SBF2: variants seen among roughly 807,000 people sequenced by gnomAD.
The protein encoded by SBF2 is SET binding factor 2, also known as myotubularin-related protein 13.
In SBF2, 112 loss-of-function variants were observed where a neutral mutation model predicts 225.2. The ratio of observed to expected loss-of-function variants is 0.50; its 90% CI spans 0.43 to 0.58. The LOEUF (loss-of-function observed/expected upper bound fraction) is 0.58, where lower values mean the gene tolerates loss of function less well. SBF2 is among the 20% of genes least tolerant of loss of function. SBF2 has a pLI of 0.00. For missense variants in SBF2, 1,996 were observed against 2,206.2 expected (o/e 0.90, Z 1.91); for synonymous variants, 763 against 773.3 (o/e 0.99, Z 0.22).
At chr11:9,875,650 G>A (rs1457871425) in intron 17 of SBF2, among the ~76,000 whole-genome samples, 1 of 152,210 alleles carries the variant, frequency 6.6e-6, no homozygotes, top group Non-Finnish European at 1.5e-5. Flanking sequence ...TGTGGAACAA[G>A]GCAGGGTCAG....
At chr11:10,060,744 C>T (rs186599653) in intron 2 of SBF2, among the ~76,000 whole-genome samples, 12 of 152,064 alleles carry the variant, frequency 7.9e-5, no homozygotes, top group African/African-American at 2.2e-4. Flanking sequence ...AATCTGTAAA[C>T]GTGGCCAGGT....
intron 2 of SBF2, among the ~76,000 whole-genome samples, chr11:10,146,910 C>T (rs534603014): frequency 6.6e-6 from 1 of 152,166 alleles, no homozygotes; most frequent in South Asian, 2.1e-4. Context: ...AGGACATGAA[C>T]AGACATTTTT....
chr11:10,257,321 TATGCAGTGAGATATC>T (rs1960947393), intron 1 of SBF2, among the ~76,000 whole-genome samples: 1 of 152,154 alleles, frequency 6.6e-6, no homozygotes, highest in Non-Finnish European at 1.5e-5. Context: ...CCCAAAACAC[TATGCAGTGAGATATC>T]ATACAGTAAG....
intron 33 of SBF2, among the ~76,000 whole-genome samples, chr11:9,793,546 C>A (rs562685821): frequency 2.0e-5 from 3 of 152,250 alleles, no homozygotes; most frequent in East Asian, 3.9e-4. Context: ...CATGCCACCA[C>A]GCCTGGCTAA....
At chr11:10,196,835 T>TAA (rs201869850) in intron 1 of SBF2, among the ~76,000 whole-genome samples, 3 of 89,224 alleles carry the variant, frequency 3.4e-5, no homozygotes, top group Non-Finnish European at 4.6e-5. Context: ...GTTTCTTGCA[T>TAA]AAATATATAT....
At chr11:9,839,403 T>G (rs983456805) in intron 26 of SBF2, 95 bp downstream of exon 26, 11 of 1,230,414 alleles carry the variant, frequency 8.9e-6, no homozygotes, top group Middle Eastern at 2.0e-4. Flanking sequence ...GGCATTTTTA[T>G]CTATCTCAGG....
At chr11:10,105,068 T>C (rs1230823240) in intron 2 of SBF2, among the ~76,000 whole-genome samples, 2 of 152,228 alleles carry the variant, frequency 1.3e-5, no homozygotes, top group Admixed American at 6.5e-5. Context: ...TGTGTTTGCC[T>C]GATTTTAAGG....
intron 2 of SBF2, among the ~76,000 whole-genome samples, chr11:10,099,896 AT>A (rs1952200674): frequency 6.6e-6 from 1 of 152,224 alleles, no homozygotes; most frequent in South Asian, 2.1e-4. Flanking sequence ...CTATAAAAAA[AT>A]AAAGTTACAA....
chr11:9,847,518 C>CAAAA (rs3072276), intron 22 of SBF2, among the ~76,000 whole-genome samples: 1 of 137,348 alleles, frequency 7.3e-6, no homozygotes, highest in African/African-American at 2.7e-5. Flanking sequence ...GGAGGTTTTA[C>CAAAA]AAAAAAAAAA....
At chr11:9,923,495 A>G (rs867808805) in intron 16 of SBF2, among the ~76,000 whole-genome samples, 2 of 152,244 alleles carry the variant, frequency 1.3e-5, no homozygotes, top group Non-Finnish European at 2.9e-5. Flanking sequence ...TAGAAACATC[A>G]CGGCCACTGT....
At chr11:10,108,713 G>A (rs956193555) in intron 2 of SBF2, among the ~76,000 whole-genome samples, 2 of 150,542 alleles carry the variant, frequency 1.3e-5, no homozygotes, top group East Asian at 1.9e-4. Context: ...TTTAGTAGAG[G>A]CGGGGTTTCA....
At chr11:9,908,739 C>T (rs1288151355) in intron 16 of SBF2, among the ~76,000 whole-genome samples, 2 of 152,132 alleles carry the variant, frequency 1.3e-5, no homozygotes, top group Non-Finnish European at 1.5e-5. Context: ...ACTCTGTCCC[C>T]CAGGCTGAAG....
intron 3 of SBF2, among the ~76,000 whole-genome samples, chr11:10,037,600 T>C (rs1191572804): frequency 2.0e-5 from 3 of 151,872 alleles, no homozygotes; most frequent in Non-Finnish European, 4.4e-5. Flanking sequence ...TAATTAAACC[T>C]ACCTATATGG....
chr11:9,781,729 C>T, intron 38 of SBF2, 91 bp from the exon 39 acceptor site: 1 of 1,456,626 alleles, frequency 6.9e-7, no homozygotes. Flanking sequence ...TTCCTCTGTA[C>T]CTTGGTTATA....
intron 6 of SBF2, among the ~76,000 whole-genome samples, chr11:10,020,175 A>G (rs979151695): frequency 2.0e-5 from 3 of 152,152 alleles, no homozygotes; most frequent in Admixed American, 2.0e-4. Context: ...GAAATTGGTG[A>G]TCGGCAGCTT....
chr11:9,908,841 C>G, intron 16 of SBF2, among the ~76,000 whole-genome samples: 1 of 135,590 alleles, frequency 7.4e-6, no homozygotes, highest in Non-Finnish European at 1.5e-5. Flanking sequence ...TGTGCCACTG[C>G]GCATGGCTAA....
chr11:9,839,478 G>C lies in SBF2; in HGVS notation c.3455+20C>G. 1 of 1,610,864 alleles carries C rather than the reference G, an allele frequency of 6.2e-7. No individual in the cohort carries two copies. The highest frequency in any genetic ancestry group is 8.5e-7 in the Non-Finnish European group (1 of 1,177,114). ...AGAAAGGAAGGAAGACCTCTTTTTG[G>C]AGCCCACTGACACACTTACCTCCGG... On this transcript the variant is annotated intron_variant, in intron 26 of 39. Coordinates refer to ENST00000256190, the MANE Select transcript of SBF2 (RefSeq NM_030962.4).
chr11:10,197,057 T>C (rs1408835799), intron 1 of SBF2, among the ~76,000 whole-genome samples: 1 of 151,962 alleles, frequency 6.6e-6, no homozygotes, highest in African/African-American at 2.4e-5. Flanking sequence ...CCTGAAAAAA[T>C]ACTCTTTTCC....
chr11:10,071,263 C>CTTTTTTTTT (rs774979361), intron 2 of SBF2, among the ~76,000 whole-genome samples: 3 of 124,930 alleles, frequency 2.4e-5, no homozygotes, highest in Non-Finnish European at 3.3e-5. Flanking sequence ...TTCTCTCTCT[C>CTTTTTTTTT]TCTTTTTTTT....
Sources: allele counts gnomAD v4.1 joint callset (sites outside exome capture counted in the v4.1 genomes callset), GRCh38; gene constraint gnomAD v4.1.1; transcripts MANE v1.5; gene names NCBI Gene and HGNC (gene_info 2026-07-23, HGNC 2026-07-21).